The following NEBL variants were observed in gnomAD, a reference collection of about 807,000 sequenced individuals.
The protein encoded by NEBL is nebulette, also known as LIM and SH3 protein 2.
Under a neutral mutation model 140.2 loss-of-function variants are expected in NEBL, and 122 were observed. The ratio of observed to expected loss-of-function variants is 0.87; its 90% confidence interval spans 0.75 to 1.01. The LOEUF is 1.01. NEBL is among the 50% of genes least tolerant of loss of function. The pLI, the probability that NEBL is intolerant of heterozygous loss-of-function variation, is 0.00. For missense variants in NEBL, 1,365 were observed against 1,231.3 expected (o/e 1.11, Z -1.62); for synonymous variants, 436 against 398.9 (o/e 1.09, Z -1.11).
intron 4 of NEBL, among the ~76,000 whole-genome samples, chr10:20,939,712 T>A (rs1183918290): frequency 6.6e-6 from 1 of 151,950 alleles, no homozygotes; most frequent in Non-Finnish European, 1.5e-5. Context: ...GAGACACACA[T>A]AGGCTCAAAA....
At chr10:21,089,743 C>G (rs545781410) in intron 2 of NEBL, among the ~76,000 whole-genome samples, 170 of 152,246 alleles carry the variant, frequency 1.1e-3, no homozygotes, top group Non-Finnish European at 1.9e-3. Flanking sequence ...AGAATCTTCT[C>G]CCTTTTCTCC....
chr10:21,253,569 G>A (rs1842616090), intron 1 of NEBL, among the ~76,000 whole-genome samples: 1 of 133,400 alleles, frequency 7.5e-6, no homozygotes, highest in African/African-American at 3.0e-5. Flanking sequence ...TTGAGATGGA[G>A]TTTTGCTCTT....
intron 23 of NEBL, 185 bp downstream of exon 23, chr10:20,813,754 C>A: frequency 1.7e-6 from 1 of 590,500 alleles, no homozygotes; most frequent in Non-Finnish European, 3.1e-6. Flanking sequence ...TGAGAAAAAT[C>A]ATTTTATTAG....
chr10:21,190,001 G>A (rs77682785), intron 3 of NEBL, among the ~76,000 whole-genome samples: 3,758 of 152,230 alleles, frequency 0.025, 71 homozygotes, highest in Non-Finnish European at 0.025. Context: ...TCCCAGAATT[G>A]AGGTGTTTTG....
At chr10:21,073,918 C>CA (rs1216703414) in intron 2 of NEBL, among the ~76,000 whole-genome samples, 3 of 151,954 alleles carry the variant, frequency 2.0e-5, no homozygotes, top group East Asian at 2.0e-4. Context: ...ACTAAAAATA[C>CA]AAAAAAATTA....
At chr10:21,099,587 T>G (rs1837375725) in intron 2 of NEBL, among the ~76,000 whole-genome samples, 1 of 152,228 alleles carries the variant, frequency 6.6e-6, no homozygotes, top group Non-Finnish European at 1.5e-5. Flanking sequence ...TCTGATTCAC[T>G]TCAGAAAACT....
intron 2 of NEBL, among the ~76,000 whole-genome samples, chr10:21,136,431 C>T (rs913693930): frequency 9.2e-5 from 14 of 152,104 alleles, no homozygotes; most frequent in Admixed American, 5.2e-4. Context: ...TGGGTCCAAG[C>T]GATCCTCTCA....
intron 12 of NEBL, among the ~76,000 whole-genome samples, chr10:20,842,077 A>G (rs1387119534): frequency 6.6e-6 from 1 of 152,114 alleles, no homozygotes; most frequent in Non-Finnish European, 1.5e-5. Flanking sequence ...CAGATGAAAG[A>G]TGAAATTTCC....
chr10:20,924,761 A>G (rs1172733997), intron 4 of NEBL, among the ~76,000 whole-genome samples: 3 of 152,144 alleles, frequency 2.0e-5, no homozygotes, highest in African/African-American at 7.2e-5. Context: ...GGAACACTGT[A>G]GAGCTTCCCC....
intron 9 of NEBL, 49 bp from the exon 10 acceptor site, chr10:20,852,698 G>A (rs760836213): frequency 7.1e-7 from 1 of 1,403,208 alleles, no homozygotes; most frequent in Non-Finnish European, 1.0e-6. Flanking sequence ...AGACTGATTA[G>A]AGCAATAAAT....
chr10:20,984,680 C>T (rs1284582400), intron 3 of NEBL, among the ~76,000 whole-genome samples: 1 of 151,984 alleles, frequency 6.6e-6, no homozygotes, highest in Non-Finnish European at 1.5e-5. Context: ...AGTTCTTCCT[C>T]ACCAAGCAGA....
At chr10:21,053,203 G>A (rs117012803) in intron 2 of NEBL, among the ~76,000 whole-genome samples, 248 of 152,176 alleles carry the variant, frequency 1.6e-3, no homozygotes, top group Middle Eastern at 6.8e-3. Context: ...CACTGACAAC[G>A]TTCTTTCCCC....
intron 3 of NEBL, among the ~76,000 whole-genome samples, chr10:21,000,352 G>A (rs1837843829): frequency 6.6e-6 from 1 of 152,038 alleles, no homozygotes; most frequent in African/African-American, 2.4e-5. Flanking sequence ...AGCTGGATGG[G>A]GTGGTTTATT....
intron 3 of NEBL, among the ~76,000 whole-genome samples, chr10:21,226,115 G>A (rs1298109262): frequency 6.6e-6 from 1 of 151,926 alleles, no homozygotes; most frequent in Non-Finnish European, 1.5e-5. Flanking sequence ...TATCCTGACA[G>A]GACTGTGTCC....
At chr10:21,280,056 A>G (rs1302890503) in intron 1 of NEBL, among the ~76,000 whole-genome samples, 1 of 152,162 alleles carries the variant, frequency 6.6e-6, no homozygotes, top group Admixed American at 6.6e-5. Context: ...AGACCCTAAA[A>G]AAAAGCCAGT....
intron 2 of NEBL, among the ~76,000 whole-genome samples, chr10:21,062,319 T>C (rs184272784): frequency 2.6e-5 from 4 of 151,896 alleles, no homozygotes; most frequent in East Asian, 1.9e-4. Context: ...TAGAAAGAGA[T>C]GATATTTTAA....
intron 3 of NEBL, among the ~76,000 whole-genome samples, chr10:20,969,539 CTTTT>C (rs1836474391): frequency 7.6e-6 from 1 of 131,280 alleles, no homozygotes; most frequent in Non-Finnish European, 1.6e-5. Context: ...GACTTTTTTT[CTTTT>C]CTTTTTTTTT....
At chr10:20,812,660 C>A (rs1210508251) in intron 24 of NEBL, 109 bp downstream of exon 24, 1 of 1,381,994 alleles carries the variant, frequency 7.2e-7, no homozygotes, top group Non-Finnish European at 1.0e-6. Context: ...TTGGGTACCA[C>A]AACCAACATG....
intron 16 of NEBL, 154 bp downstream of exon 16, chr10:20,831,042 G>A (rs549430760): frequency 3.0e-4 from 201 of 678,162 alleles, no homozygotes; most frequent in Admixed American, 1.2e-3. Flanking sequence ...TAATTAGTAC[G>A]GTTAATCAAG....
Sources: gnomAD v4.1 joint callset for allele counts (sites outside exome capture counted in the v4.1 genomes callset) on GRCh38, gnomAD v4.1.1 for gene constraint, MANE v1.5 for transcripts, NCBI Gene and HGNC (gene_info 2026-07-23, HGNC 2026-07-21) for gene names.